MAPK8: variants seen among roughly 807,000 people sequenced by gnomAD.
The protein encoded by MAPK8 is mitogen-activated protein kinase 8.
Under a neutral mutation model 52.9 loss-of-function variants are expected in MAPK8, and 13 were observed. The observed-to-expected ratio is 0.25, with a 90% CI of 0.16 to 0.39. The LOEUF is 0.39. MAPK8 is among the 10% of genes least tolerant of loss of function. The probability of loss-of-function intolerance (pLI) is 1.00; values close to 1 mark genes in which losing one functional copy is unlikely to be tolerated. For synonymous variants in MAPK8, 191 were observed against 169.8 expected (o/e 1.12, Z -0.97); for missense variants, 300 against 519.2 (o/e 0.58, Z 4.10).
At chr10:48,417,956 T>C (rs1191925229) in intron 5 of MAPK8, among the ~76,000 whole-genome samples, 1 of 152,218 alleles carries the variant, frequency 6.6e-6, no homozygotes, top group Admixed American at 6.5e-5. Context: ...AACAAACTTT[T>C]TCTGTCAAAG....
chr10:48,348,036 C>T (rs1241497754), intron 1 of MAPK8, among the ~76,000 whole-genome samples: 2 of 152,340 alleles, frequency 1.3e-5, no homozygotes, highest in East Asian at 1.9e-4. Context: ...GTTCCTATTT[C>T]TCCACATCCT....
intron 1 of MAPK8, among the ~76,000 whole-genome samples, chr10:48,341,873 G>T (rs1845306261): frequency 6.6e-6 from 1 of 152,242 alleles, no homozygotes; most frequent in Non-Finnish European, 1.5e-5. Flanking sequence ...GAGCTCAATA[G>T]TAAGGAGAAG....
intron 1 of MAPK8, among the ~76,000 whole-genome samples, chr10:48,374,664 T>C (rs1014814769): frequency 1.3e-5 from 2 of 152,094 alleles, no homozygotes; most frequent in Non-Finnish European, 2.9e-5. Flanking sequence ...CCTGAACATA[T>C]ACACCCTCCC....
At position 48,438,477 on chromosome 10, in the gene MAPK8, A is replaced by AGG. The variant is rs1457161112; in HGVS notation, c.*3449_*3450dup. 1 of 152,202 alleles carries AGG rather than the reference A, an allele frequency of 6.6e-6. No individual in the cohort carries two copies. Among genetic ancestry groups the AGG allele is most frequent in the Admixed American group, 6.5e-5 (1 of 15,290 alleles). 9.4% of individuals were successfully genotyped at this position (152,202 alleles called of 1,614,324 possible). A position where few individuals can be genotyped will look rare whatever the true frequency, so the allele number is the denominator to read the frequency against. Reference sequence around the variant, plus strand: ...GACTGCTCTTCGTTAAGTGCTCTTAAGGAGAGTCTAGTAACAGTAACACTT... The same window carrying AGG: ...GACTGCTCTTCGTTAAGTGCTCTTAAGGGGAGAGTCTAGTAACAGTAACACTT... On this transcript the variant is annotated 3_prime_UTR_variant, in exon 12 of 12. Coordinates refer to ENST00000374189, the MANE Select transcript of MAPK8 (RefSeq NM_001323329.2).
At chr10:48,318,973 G>C (rs930659916) in intron 1 of MAPK8, among the ~76,000 whole-genome samples, 1 of 152,188 alleles carries the variant, frequency 6.6e-6, no homozygotes, top group Non-Finnish European at 1.5e-5. Flanking sequence ...GAGAATAATA[G>C]ATAACCAGGG....
chr10:48,381,901 G>A (rs941030676), intron 1 of MAPK8, among the ~76,000 whole-genome samples: 4 of 152,056 alleles, frequency 2.6e-5, no homozygotes, highest in African/African-American at 7.2e-5. Context: ...ATACTGAGTC[G>A]CAACTACCCA....
chr10:48,403,614 G>A (rs2042275521), intron 2 of MAPK8, among the ~76,000 whole-genome samples: 1 of 152,008 alleles, frequency 6.6e-6, no homozygotes, highest in South Asian at 2.1e-4. Context: ...GTTTTGACTG[G>A]CCTGTTCTCA....
chr10:48,397,011 C>G (rs2041919786), intron 1 of MAPK8, among the ~76,000 whole-genome samples: 1 of 152,094 alleles, frequency 6.6e-6, no homozygotes, highest in Admixed American at 6.5e-5. Context: ...TACCTTTCAC[C>G]CAGCAACAGC....
At chr10:48,329,949 TA>T (rs1398073902) in intron 1 of MAPK8, among the ~76,000 whole-genome samples, 1 of 152,204 alleles carries the variant, frequency 6.6e-6, no homozygotes, top group Non-Finnish European at 1.5e-5. Flanking sequence ...AAATTTTTTT[TA>T]AACTAACGGC....
chr10:48,410,885 T>C (rs2042711396), intron 5 of MAPK8, among the ~76,000 whole-genome samples: 1 of 152,222 alleles, frequency 6.6e-6, no homozygotes, highest in Admixed American at 6.5e-5. Flanking sequence ...ACTAATAATG[T>C]TGGGCATTTT....
chr10:48,387,771 T>G (rs889806393), intron 1 of MAPK8, among the ~76,000 whole-genome samples: 1 of 152,186 alleles, frequency 6.6e-6, no homozygotes, highest in Non-Finnish European at 1.5e-5. Context: ...ATACTTTAAA[T>G]AAAATCATGG....
chr10:48,335,942 G>A (rs768340385), intron 1 of MAPK8, among the ~76,000 whole-genome samples: 1 of 152,136 alleles, frequency 6.6e-6, no homozygotes, highest in African/African-American at 2.4e-5. Flanking sequence ...CCATTTATAA[G>A]TTTGAAACAT....
intron 1 of MAPK8, among the ~76,000 whole-genome samples, chr10:48,312,617 G>A (rs548270719): frequency 6.6e-6 from 1 of 152,314 alleles, no homozygotes; most frequent in African/African-American, 2.4e-5. Flanking sequence ...TTTCTGACTT[G>A]TTCCAGGAAG....
intron 1 of MAPK8, among the ~76,000 whole-genome samples, chr10:48,338,812 A>G (rs1196955133): frequency 6.6e-6 from 1 of 151,692 alleles, no homozygotes; most frequent in African/African-American, 2.4e-5. Flanking sequence ...TTAAGAACTA[A>G]TTTACAATAG....
chr10:48,424,086 A>G lies in MAPK8; in HGVS notation c.617-2A>G. 6.2e-7 allele frequency: 1 copy of G among 1,610,576 alleles called. No individual in the cohort carries two copies. Among genetic ancestry groups the G allele is most frequent in the Non-Finnish European group, 8.5e-7 (1 of 1,177,812 alleles). On this transcript the variant is annotated splice_acceptor_variant, in intron 6 of 11. Transcript: ENST00000374189. LOFTEE classifies it high-confidence loss of function. Reference sequence around the variant, plus strand: ...TCCTTCTTTTGTGCTGCAAACATATAGTGGATTTATGGTCTGTGGGGTGCA... The same window carrying G: ...TCCTTCTTTTGTGCTGCAAACATATGGTGGATTTATGGTCTGTGGGGTGCA...
At chr10:48,402,314 A>T (rs1314436664) in intron 2 of MAPK8, among the ~76,000 whole-genome samples, 3 of 152,202 alleles carry the variant, frequency 2.0e-5, no homozygotes, top group Admixed American at 6.5e-5. Flanking sequence ...TCATGTATAC[A>T]TGTATTCCCA....
At chr10:48,313,158 C>T (rs1271207937) in intron 1 of MAPK8, among the ~76,000 whole-genome samples, 1 of 152,130 alleles carries the variant, frequency 6.6e-6, no homozygotes, top group East Asian at 1.9e-4. Flanking sequence ...ATAGGCCAGG[C>T]GCGGTGGCTC....
At chr10:48,347,233 T>G (rs562155904) in intron 1 of MAPK8, among the ~76,000 whole-genome samples, 4 of 152,046 alleles carry the variant, frequency 2.6e-5, no homozygotes, top group Admixed American at 1.3e-4. Flanking sequence ...CTTACTATAA[T>G]GGAATATTAA....
intron 1 of MAPK8, among the ~76,000 whole-genome samples, chr10:48,339,016 A>G (rs567959887): frequency 6.6e-6 from 1 of 152,326 alleles, no homozygotes; most frequent in African/African-American, 2.4e-5. Context: ...GCCCAAAGCA[A>G]TCTACAACTT....
Sources: allele counts gnomAD v4.1 joint callset (sites outside exome capture counted in the v4.1 genomes callset), GRCh38; gene constraint gnomAD v4.1.1; transcripts MANE v1.5; gene names NCBI Gene and HGNC (gene_info 2026-07-23, HGNC 2026-07-21).